The following EPC2 variants were observed in gnomAD, a reference collection of about 807,000 sequenced individuals.
EPC2 encodes the protein enhancer of polycomb 2.
EPC2 carries 14 observed loss-of-function variants against 92.1 expected under a neutral mutation model. That is an observed-to-expected ratio of 0.15 (90% CI 0.10 to 0.24). The LOEUF is 0.24. Ranked by LOEUF, EPC2 falls within the 10% of genes least tolerant of loss-of-function variation. The pLI is 1.00. For synonymous variants in EPC2, 340 were observed against 334.7 expected, an observed-to-expected ratio of 1.02 and a Z score of -0.17; for missense variants, 755 against 971.5, an observed-to-expected ratio of 0.78 and a Z score of 2.96.
chr2:148,786,504 G>C lies in EPC2; in HGVS notation c.*127G>C. ...GACCTAAATGGACTATAGTATATTG[G>C]ATGTTAAATCCATATATGATGTATA... On this transcript the variant is annotated 3_prime_UTR_variant, in exon 14 of 14. Coordinates refer to ENST00000258484, the MANE Select transcript of EPC2 (RefSeq NM_015630.4). The C allele has an allele frequency of 9.3e-6, 6 of 646,126 alleles. No individual in the cohort carries two copies. Among genetic ancestry groups the C allele is most frequent in the Non-Finnish European group, 1.6e-5 (6 of 379,164 alleles). 40.0% of individuals were successfully genotyped at this position (646,126 alleles called of 1,614,324 possible). A position where few individuals can be genotyped will look rare whatever the true frequency, so the allele number is the denominator to read the frequency against.
At chr2:148,657,773 G>A (rs1387727921) in intron 1 of EPC2, among the ~76,000 whole-genome samples, 1 of 152,120 alleles carries the variant, frequency 6.6e-6, no homozygotes, top group Non-Finnish European at 1.5e-5. Context: ...ATTGGCGTGT[G>A]TGCCCATGAT....
intron 2 of EPC2, chr2:148,691,424 G>C (rs1681641544): frequency 1.6e-6 from 2 of 1,265,364 alleles, no homozygotes; most frequent in Non-Finnish European, 2.2e-6. Context: ...GTGAAGTCTG[G>C]TGATTTGTAT....
intron 1 of EPC2, among the ~76,000 whole-genome samples, chr2:148,671,819 T>C (rs1363128298): frequency 6.6e-6 from 1 of 152,182 alleles, no homozygotes; most frequent in South Asian, 2.1e-4. Context: ...CTCCTTGCAT[T>C]TTTAGTTGCA....
chr2:148,646,321 A>G (rs1285636532), intron 1 of EPC2, among the ~76,000 whole-genome samples: 1 of 152,176 alleles, frequency 6.6e-6, no homozygotes, highest in Non-Finnish European at 1.5e-5. Context: ...TGACCTCATT[A>G]TGTTACCCTG....
rs1348266302 is a variant in EPC2, at chr2:148,690,206, T to C, written c.154-8T>C. On this transcript the variant is annotated splice_polypyrimidine_tract_variant and splice_region_variant and intron_variant, in intron 1 of 13. Coordinates refer to ENST00000258484, the MANE Select transcript of EPC2 (RefSeq NM_015630.4). ...AACAACTTATGTTGCCTACTTTACA[T>C]TTTCCAGGAACATCATTTACAGCGA... 1 of 1,583,548 alleles carries C rather than the reference T, an allele frequency of 6.3e-7. No homozygotes were observed. Among genetic ancestry groups the C allele is most frequent in the Non-Finnish European group, 8.5e-7 (1 of 1,169,652 alleles).
chr2:148,779,611 A>C (rs1204087705), intron 10 of EPC2, among the ~76,000 whole-genome samples: 1 of 152,194 alleles, frequency 6.6e-6, no homozygotes, highest in Admixed American at 6.5e-5. Flanking sequence ...ACTAATTTAG[A>C]TATATACTTT....
intron 2 of EPC2, among the ~76,000 whole-genome samples, chr2:148,728,987 G>A (rs1286529208): frequency 2.3e-5 from 3 of 132,000 alleles, no homozygotes; most frequent in South Asian, 2.4e-4. Context: ...AGGCAAGATC[G>A]CGCCACTGTA....
At chr2:148,770,726 C>G (rs1574633687) in intron 8 of EPC2, 66 bp from the exon 9 acceptor site, 3 of 1,487,090 alleles carry the variant, frequency 2.0e-6, no homozygotes, top group Non-Finnish European at 2.7e-6. Context: ...TTATCATGAT[C>G]TAACCTGTCT....
At chr2:148,689,313 A>C (rs1681597423) in intron 1 of EPC2, among the ~76,000 whole-genome samples, 1 of 151,136 alleles carries the variant, frequency 6.6e-6, no homozygotes, top group Non-Finnish European at 1.5e-5. Context: ...AGTAGCTGGG[A>C]CTAGAGGCAC....
At chr2:148,753,806 A>C (rs1301966502) in intron 3 of EPC2, 121 bp from the exon 4 acceptor site, 2 of 676,672 alleles carry the variant, frequency 3.0e-6, no homozygotes, top group Non-Finnish European at 4.9e-6. Flanking sequence ...GTCTTCACTT[A>C]CTATAATATT....
At chr2:148,771,603 G>C (rs1349342213) in intron 10 of EPC2, among the ~76,000 whole-genome samples, 1 of 151,950 alleles carries the variant, frequency 6.6e-6, no homozygotes, top group African/African-American at 2.4e-5. Flanking sequence ...AATGTAGGCA[G>C]AATGCATACA....
At chr2:148,777,007 G>A (rs919666285) in intron 10 of EPC2, among the ~76,000 whole-genome samples, 3 of 151,744 alleles carry the variant, frequency 2.0e-5, no homozygotes, top group Non-Finnish European at 2.9e-5. Context: ...TTATAGGCAC[G>A]TGCCACCACA....
intron 1 of EPC2, among the ~76,000 whole-genome samples, chr2:148,677,267 G>A (rs1681286181): frequency 6.6e-6 from 1 of 152,184 alleles, no homozygotes; most frequent in Non-Finnish European, 1.5e-5. Context: ...AAGTTAAATT[G>A]AGGGAGGATG....
chr2:148,672,336 C>T (rs1202401063), intron 1 of EPC2, among the ~76,000 whole-genome samples: 2 of 152,092 alleles, frequency 1.3e-5, no homozygotes, highest in African/African-American at 4.8e-5. Context: ...CTATGTTTGT[C>T]CTTATGTCTA....
At chr2:148,674,641 G>T (rs921241) in intron 1 of EPC2, among the ~76,000 whole-genome samples, 5 of 152,180 alleles carry the variant, frequency 3.3e-5, no homozygotes, top group Non-Finnish European at 5.9e-5. Flanking sequence ...GTTGGACATA[G>T]GTTTCACTCT....
chr2:148,744,988 T>TTC (rs1558827397), intron 3 of EPC2, among the ~76,000 whole-genome samples: 21 of 37,384 alleles, frequency 5.6e-4, no homozygotes, highest in Non-Finnish European at 1.0e-3. Flanking sequence ...CCTATCAGTT[T>TTC]GCCCCCCCCC....
At chr2:148,663,504 C>T (rs928683322) in intron 1 of EPC2, among the ~76,000 whole-genome samples, 1 of 151,288 alleles carries the variant, frequency 6.6e-6, no homozygotes, top group Admixed American at 6.6e-5. Flanking sequence ...AGGCGTGAGC[C>T]ACTGCGCCCA....
chr2:148,761,928 A>C lies in EPC2; in HGVS notation c.813A>C (p.Lys271Asn), dbSNP rs1259136656. The C allele has an allele frequency of 5.1e-6, 8 of 1,583,580 alleles. No individual in the cohort carries two copies. The highest frequency in any genetic ancestry group is 6.8e-6 in the Non-Finnish European group (8 of 1,170,412). Residue 271 changes from lysine to asparagine, a missense_variant and splice_region_variant, in exon 5 of 14, where the codon AAA (lysine) becomes AAC (asparagine). Lys to Asn is a moderately conservative substitution (Grantham distance 94, BLOSUM62 0). Coordinates refer to ENST00000258484, the MANE Select transcript of EPC2 (RefSeq NM_015630.4). ...ACTTAACCTTAGAAGTTGTGGAGAA[A>C]AGGTAACATTGCTCCTGTTACAACA... ...LLHLTLEVVE[K>N]RYHLGDYGGE...
At chr2:148,780,694 T>C (rs1417685112) in intron 10 of EPC2, among the ~76,000 whole-genome samples, 1 of 152,168 alleles carries the variant, frequency 6.6e-6, no homozygotes, top group African/African-American at 2.4e-5. Flanking sequence ...ATAGTAAATA[T>C]TTGTTGATTG....
Sources: allele counts gnomAD v4.1 joint callset (sites outside exome capture counted in the v4.1 genomes callset), GRCh38; gene constraint gnomAD v4.1.1; transcripts MANE v1.5; gene names NCBI Gene and HGNC (gene_info 2026-07-23, HGNC 2026-07-21).